The following SEMA3A variants were observed in gnomAD, a reference collection of about 807,000 sequenced individuals.
SEMA3A encodes semaphorin-3A.
SEMA3A carries 29 observed loss-of-function variants against 97.9 expected under a neutral mutation model. The observed-to-expected ratio is 0.30, with a 90% CI of 0.22 to 0.40. The LOEUF is 0.40. SEMA3A is among the 10% of genes least tolerant of loss of function. The probability of loss-of-function intolerance (pLI) is 1.00; values close to 1 mark genes in which losing one functional copy is unlikely to be tolerated. For missense variants in SEMA3A, 763 were observed against 951.3 expected (o/e 0.80, Z 2.60); for synonymous variants, 321 against 323.7 (o/e 0.99, Z 0.09).
chr7:84,164,489 C>T (rs1479492150), intron 1 of SEMA3A, among the ~76,000 whole-genome samples: 1 of 152,018 alleles, frequency 6.6e-6, no homozygotes, highest in Admixed American at 6.5e-5. Flanking sequence ...TTGGATAAGA[C>T]TGTATATTTG....
At chr7:84,306,073 T>C (rs1405444869) in intron 3 of SEMA3A, among the ~76,000 whole-genome samples, 2 of 151,880 alleles carry the variant, frequency 1.3e-5, no homozygotes, top group Admixed American at 1.3e-4. Context: ...ATATTTCCCA[T>C]AAAAGAATCA....
intron 5 of SEMA3A, 76 bp downstream of exon 5, chr7:84,060,389 G>T: frequency 1.2e-6 from 1 of 849,924 alleles, no homozygotes; most frequent in Non-Finnish European, 1.9e-6. Context: ...GGAAAATCTT[G>T]GTAGATAAAA....
At chr7:84,430,620 A>G (rs1013993526) in intron 1 of SEMA3A, among the ~76,000 whole-genome samples, 2 of 152,030 alleles carry the variant, frequency 1.3e-5, no homozygotes, top group Non-Finnish European at 2.9e-5. Context: ...TGTATGTAAC[A>G]TAGTAATCTG....
chr7:84,327,834 G>A (rs955682670), intron 2 of SEMA3A, among the ~76,000 whole-genome samples: 5 of 151,946 alleles, frequency 3.3e-5, no homozygotes, highest in Admixed American at 2.6e-4. Context: ...ATGGAACATG[G>A]TCTCTTTGAT....
At chr7:84,114,778 T>C (rs985912158) in intron 3 of SEMA3A, among the ~76,000 whole-genome samples, 13 of 152,152 alleles carry the variant, frequency 8.5e-5, no homozygotes, top group African/African-American at 3.1e-4. Flanking sequence ...AGTCTTTTTT[T>C]TTCTTTTAAC....
chr7:84,418,886 CAT>C (rs535185337), intron 1 of SEMA3A, among the ~76,000 whole-genome samples: 1 of 151,540 alleles, frequency 6.6e-6, no homozygotes, highest in African/African-American at 2.4e-5. Context: ...AATAAAATCT[CAT>C]ATATATATAC....
intron 6 of SEMA3A, among the ~76,000 whole-genome samples, chr7:84,019,685 A>G (rs1362590389): frequency 6.6e-6 from 1 of 152,026 alleles, no homozygotes; most frequent in Non-Finnish European, 1.5e-5. Flanking sequence ...GCGGTTTTGC[A>G]TCCTTCACTA....
At chr7:84,293,791 C>T (rs1800805604) in intron 3 of SEMA3A, among the ~76,000 whole-genome samples, 1 of 151,968 alleles carries the variant, frequency 6.6e-6, no homozygotes, top group South Asian at 2.1e-4. Context: ...AAATTAAAAA[C>T]AATCCGTATA....
rs184052680 is a variant in SEMA3A, at chr7:84,379,389, A to G, written c.-245-7489T>C. ...TAACACAAGTGAGCACATATATACA[A>G]GATGAAGTATACGTTTATAAGGAAA... On this transcript the variant is annotated intron_variant, in intron 1 of 3. Coordinates refer to the SEMA3A transcript ENST00000424555. Among the ~76,000 whole-genome samples the G allele has an allele frequency of 8.9e-4, 135 of 152,318 alleles. 1 individual carries two copies. The highest frequency in any genetic ancestry group is 3.0e-3 in the African/African-American group (125 of 41,568).
chr7:84,284,862 T>G (rs1800540058), intron 3 of SEMA3A, among the ~76,000 whole-genome samples: 1 of 152,152 alleles, frequency 6.6e-6, no homozygotes, highest in African/African-American at 2.4e-5. Flanking sequence ...TACAGAGGTT[T>G]GCTTTAGGCA....
intron 2 of SEMA3A, among the ~76,000 whole-genome samples, chr7:84,131,996 A>G (rs1414595671): frequency 6.6e-6 from 1 of 151,976 alleles, no homozygotes; most frequent in Non-Finnish European, 1.5e-5. Context: ...TTTATTTTGT[A>G]GCGACAGGGT....
chr7:84,132,543 A>T (rs894411464), intron 2 of SEMA3A, among the ~76,000 whole-genome samples: 1 of 151,844 alleles, frequency 6.6e-6, no homozygotes, highest in Non-Finnish European at 1.5e-5. Flanking sequence ...AAAGCTATCT[A>T]TCTGTAGATA....
intron 1 of SEMA3A, among the ~76,000 whole-genome samples, chr7:84,171,484 T>C (rs183967310): frequency 5.8e-4 from 89 of 152,242 alleles, no homozygotes; most frequent in African/African-American, 1.9e-3. Flanking sequence ...CTGACAAAGA[T>C]TGGAGAGTGT....
intron 4 of SEMA3A, among the ~76,000 whole-genome samples, chr7:84,104,481 G>A (rs942970597): frequency 1.9e-4 from 29 of 152,012 alleles, no homozygotes; most frequent in African/African-American, 5.8e-4. Flanking sequence ...ACATACAAGA[G>A]GTACAGGATA....
At chr7:84,204,618 G>A (rs1362672881) in intron 3 of SEMA3A, among the ~76,000 whole-genome samples, 3 of 152,208 alleles carry the variant, frequency 2.0e-5, no homozygotes, top group African/African-American at 7.2e-5. Context: ...AAATGAAAGA[G>A]AGGAGGATCT....
At position 84,136,960 on chromosome 7, in the gene SEMA3A, A is replaced by AGGAAGGAAGGAAGGAAG. The variant is rs376783412; in HGVS notation, c.113-2010_113-2009insCTTCCTTCCTTCCTTCC. 2.8e-5 allele frequency among the ~76,000 whole-genome samples: 4 copies of AGGAAGGAAGGAAGGAAG among 141,212 alleles called. No homozygotes were observed. The East Asian group carries it at 6.4e-4, about 22-fold the overall frequency. The allele number at this position is 141,212 out of a possible 152,430, so 92.6% of individuals were successfully genotyped here. ...AGGGAGGGAGGGAAGGAGGGAGGGA[A>AGGAAGGAAGGAAGGAAG]GAAGGAAGGAAGGAAGGAAGGAAGG... On this transcript the variant is annotated intron_variant, in intron 1 of 16. Coordinates refer to ENST00000265362, the MANE Select transcript of SEMA3A (RefSeq NM_006080.3).
At chr7:84,186,283 T>C (rs1797882640) in intron 1 of SEMA3A, among the ~76,000 whole-genome samples, 1 of 152,208 alleles carries the variant, frequency 6.6e-6, no homozygotes, top group East Asian at 1.9e-4. Context: ...ACTTTATTTA[T>C]CCAAGAATCT....
Position 84,104,102 on chromosome 7 carries a change from G to A in SEMA3A, c.453+6368C>T, listed in dbSNP as rs1183263111. 2.0e-5 allele frequency among the ~76,000 whole-genome samples: 3 copies of A among 152,030 alleles called. No individual in the cohort carries two copies. The East Asian group carries it at 5.8e-4, about 29-fold the overall frequency. ...CAAGGAATAGGAAAACATGTTTATG[G>A]TTAATATTAACTGTATACGATGTAG... On this transcript the variant is annotated intron_variant, in intron 4 of 16. Transcript: ENST00000265362.
chr7:84,318,010 T>C (rs2115895796), intron 2 of SEMA3A, among the ~76,000 whole-genome samples: 1 of 152,310 alleles, frequency 6.6e-6, no homozygotes, highest in African/African-American at 2.4e-5. Context: ...AAAATGTTTT[T>C]AGGTCATATC....
Sources: gnomAD v4.1 joint callset for allele counts (sites outside exome capture counted in the v4.1 genomes callset) on GRCh38, gnomAD v4.1.1 for gene constraint, MANE v1.5 for transcripts, NCBI Gene and HGNC (gene_info 2026-07-23, HGNC 2026-07-21) for gene names.